Variants in AFG2A observed in about 807,000 individuals in gnomAD.
AFG2A encodes the protein ATPase family gene 2 protein homolog A.
the AFG2A span, among the ~76,000 whole-genome samples, chr4:123,075,000 G>A: frequency 6.6e-6 from 1 of 152,142 alleles, no homozygotes; most frequent in South Asian, 2.1e-4. Flanking sequence ...CTGGAGTGCA[G>A]TGGCGACATC....
chr4:123,147,335 T>C, the AFG2A span, among the ~76,000 whole-genome samples: 10 of 152,032 alleles, frequency 6.6e-5, no homozygotes, highest in African/African-American at 2.4e-4. Context: ...CTCTGAAGCA[T>C]CAAACAAGTG....
chr4:122,996,347 A>G, the AFG2A span, among the ~76,000 whole-genome samples: 1 of 152,170 alleles, frequency 6.6e-6, no homozygotes, highest in Non-Finnish European at 1.5e-5. Flanking sequence ...CTTGGCAAAT[A>G]AAAACAACTA....
the AFG2A span, among the ~76,000 whole-genome samples, chr4:123,100,483 A>G: frequency 1.3e-5 from 2 of 151,850 alleles, no homozygotes; most frequent in Non-Finnish European, 2.9e-5. Flanking sequence ...TTTTCCGTCT[A>G]AAGCATTCTC....
At chr4:123,275,386 G>A in the AFG2A span, among the ~76,000 whole-genome samples, 1 of 152,032 alleles carries the variant, frequency 6.6e-6, no homozygotes, top group Non-Finnish European at 1.5e-5. Flanking sequence ...TATGACTTTG[G>A]TCTCTTTGGA....
At chr4:123,038,196 T>G in the AFG2A span, among the ~76,000 whole-genome samples, 1 of 152,140 alleles carries the variant, frequency 6.6e-6, no homozygotes, top group South Asian at 2.1e-4. Context: ...TGTGTGACTT[T>G]GGACAAATTA....
the AFG2A span, among the ~76,000 whole-genome samples, chr4:123,154,570 A>T: frequency 6.6e-6 from 1 of 152,192 alleles, no homozygotes; most frequent in Non-Finnish European, 1.5e-5. Flanking sequence ...AGGATTAAAA[A>T]CTAAAAAAAT....
the AFG2A span, among the ~76,000 whole-genome samples, chr4:123,163,832 A>T: frequency 1.3e-4 from 20 of 152,328 alleles, no homozygotes; most frequent in East Asian, 3.5e-3. Flanking sequence ...TGCAGAAGTA[A>T]AGAGTTTAAG....
At chr4:122,946,434 A>T in the AFG2A span, among the ~76,000 whole-genome samples, 1 of 152,240 alleles carries the variant, frequency 6.6e-6, no homozygotes, top group Non-Finnish European at 1.5e-5. Context: ...TTGTACTTCT[A>T]AACTTATAAT....
the AFG2A span, among the ~76,000 whole-genome samples, chr4:123,272,820 GGA>G: frequency 6.6e-6 from 1 of 152,248 alleles, no homozygotes; most frequent in East Asian, 1.9e-4. Flanking sequence ...GAAAAAGAGA[GGA>G]GAGAGATTAG....
chr4:123,257,444 C>T, the AFG2A span, among the ~76,000 whole-genome samples: 1 of 152,138 alleles, frequency 6.6e-6, no homozygotes, highest in Admixed American at 6.5e-5. Flanking sequence ...ACATATTCAA[C>T]TGATGATGGG....
the AFG2A span, among the ~76,000 whole-genome samples, chr4:123,232,871 G>A: frequency 1.3e-5 from 2 of 151,984 alleles, no homozygotes; most frequent in African/African-American, 4.8e-5. Flanking sequence ...TACTATTAAA[G>A]CTAACTGTCA....
chr4:122,945,637 G>T, the AFG2A span, among the ~76,000 whole-genome samples: 1 of 152,300 alleles, frequency 6.6e-6, no homozygotes, highest in African/African-American at 2.4e-5. Flanking sequence ...CTCGCACACG[G>T]TGCGCTGCAC....
chr4:123,119,743 T>C, the AFG2A span, among the ~76,000 whole-genome samples: 1 of 152,252 alleles, frequency 6.6e-6, no homozygotes, highest in East Asian at 1.9e-4. Context: ...GACCAGTAAT[T>C]TTTATGTCTT....
the AFG2A span, among the ~76,000 whole-genome samples, chr4:123,187,172 A>G: frequency 6.6e-6 from 1 of 152,168 alleles, no homozygotes; most frequent in African/African-American, 2.4e-5. Flanking sequence ...GGAGAAGTCA[A>G]TGCTCACTTT....
chr4:123,193,536 A>T, the AFG2A span, among the ~76,000 whole-genome samples: 5 of 152,210 alleles, frequency 3.3e-5, no homozygotes, highest in Non-Finnish European at 5.9e-5. Context: ...CAAAAGTGTA[A>T]TTTTTATTTA....
At chr4:123,291,703 A>T in the AFG2A span, among the ~76,000 whole-genome samples, 5 of 152,354 alleles carry the variant, frequency 3.3e-5, no homozygotes, top group South Asian at 6.2e-4. Context: ...TTTCTGGCTT[A>T]TAAGGTTTCT....
At chr4:123,278,795 A>T in the AFG2A span, among the ~76,000 whole-genome samples, 3 of 151,898 alleles carry the variant, frequency 2.0e-5, no homozygotes, top group African/African-American at 7.3e-5. Context: ...TTTCTATTTT[A>T]TTGTCTTTTG....
the AFG2A span, among the ~76,000 whole-genome samples, chr4:123,266,272 T>G: frequency 6.6e-6 from 1 of 151,990 alleles, no homozygotes; most frequent in Non-Finnish European, 1.5e-5. Flanking sequence ...AGTCTTCCAT[T>G]TCCTAGCTAT....
At chr4:123,155,416 A>G in the AFG2A span, among the ~76,000 whole-genome samples, 1 of 151,432 alleles carries the variant, frequency 6.6e-6, no homozygotes, top group African/African-American at 2.4e-5. Context: ...CTTTCTTCTC[A>G]TTGTCTTTTT....
Sources: gnomAD v4.1 joint callset for allele counts (sites outside exome capture counted in the v4.1 genomes callset) on GRCh38, gnomAD v4.1.1 for gene constraint, MANE v1.5 for transcripts, NCBI Gene and HGNC (gene_info 2026-07-23, HGNC 2026-07-21) for gene names.